The following VEZT variants were observed in gnomAD, a reference collection of about 807,000 sequenced individuals.
VEZT encodes vezatin, adherens junctions transmembrane protein, also known as vezatin.
A neutral mutation model predicts 79.9 loss-of-function variants in VEZT; 39 were observed. That is an observed-to-expected ratio of 0.49 (90% CI 0.38 to 0.64). VEZT has a LOEUF of 0.64. Among genes scored for constraint, VEZT ranks in the 30% least tolerant of loss-of-function variants. VEZT has a pLI of 0.00. For missense variants in VEZT, 837 were observed against 893.1 expected (o/e 0.94, Z 0.80); for synonymous variants, 325 against 327.6 (o/e 0.99, Z 0.09).
In VEZT at chr12:95,263,212, T is replaced by C. The variant is rs1175101059; in HGVS notation, c.434+131T>C. The C allele has an allele frequency of 1.4e-5, 12 of 884,464 alleles. No individual in the cohort carries two copies. The Admixed American group carries it at 2.8e-4, about 21-fold the overall frequency. The allele number at this position is 884,464 out of a possible 1,614,324, so 54.8% of individuals were successfully genotyped here. On this transcript the variant is annotated intron_variant, in intron 4 of 11. Transcript: ENST00000436874. ...TTTAGCAGTACAATTAAAGTAACAA[T>C]ATGGGGGGAAAAAGTGCCTTTCTAA...
At chr12:95,273,183 A>G (rs1360162392) in intron 6 of VEZT, among the ~76,000 whole-genome samples, 1 of 152,234 alleles carries the variant, frequency 6.6e-6, no homozygotes, top group Non-Finnish European at 1.5e-5. Context: ...AACTATTTTT[A>G]AAAAACAATG....
In VEZT at chr12:95,270,166, G is replaced by A. The variant is rs774578093; in HGVS notation, c.826G>A (p.Ala276Thr). Residue 276 changes from alanine (A) to threonine (T), a missense_variant, in exon 6 of 12, where the codon GCT (alanine) becomes ACT (threonine). Physicochemically the swap from Ala to Thr is moderately conservative, Grantham distance 58 (BLOSUM62 0). Transcript: ENST00000436874. ...AGCCAACTTCCAAGCAGCAAGGCTA[G>A]CTACCCTATATATGCTGAAAAAATA... is the stretch of plus-strand genomic sequence containing the variant. The part of the protein sequence containing the change: ...LRANFQAARL[A>T]TLYMLKNYPL... 6 of 1,609,138 alleles carry A rather than the reference G, an allele frequency of 3.7e-6. No individual in the cohort carries two copies. In the East Asian group the frequency reaches 1.1e-4, roughly 30 times the overall value.
intron 8 of VEZT, chr12:95,286,386 C>A (rs1175637798): frequency 2.0e-6 from 1 of 499,728 alleles, no homozygotes; most frequent in Non-Finnish European, 3.9e-6. Flanking sequence ...TCATATTTGC[C>A]TTTTGTGCCA....
intron 1 of VEZT, among the ~76,000 whole-genome samples, chr12:95,234,113 G>A (rs2059654963): frequency 6.6e-6 from 1 of 152,058 alleles, no homozygotes; most frequent in South Asian, 2.1e-4. Context: ...CAAAGGTGAA[G>A]TTTAACATGT....
intron 8 of VEZT, chr12:95,286,940 C>T: frequency 7.4e-6 from 1 of 135,664 alleles, no homozygotes; most frequent in Non-Finnish European, 1.5e-5. Flanking sequence ...GCTCGAGCCA[C>T]ATCCAAGTGG....
At chr12:95,264,944 C>A (rs1415219279) in intron 4 of VEZT, among the ~76,000 whole-genome samples, 1 of 144,504 alleles carries the variant, frequency 6.9e-6, no homozygotes, top group Non-Finnish European at 1.5e-5. Context: ...ATGATCTCGG[C>A]TTACTGCAGC....
chr12:95,268,983 C>CG (rs1472258552), intron 5 of VEZT, among the ~76,000 whole-genome samples: 26 of 152,168 alleles, frequency 1.7e-4, no homozygotes, highest in African/African-American at 6.3e-4. Context: ...CTTGTCTTAA[C>CG]ATAAGCCTGT....
rs2056909300 is a variant in VEZT, at chr12:95,217,842, C to T, written c.-9C>T. Reference sequence around the variant, plus strand: ...CATCGTGCTGAGGCGGGTGGCATGGCGGAGAAGGATGACACCGGAGTTTGA... The same window carrying T: ...CATCGTGCTGAGGCGGGTGGCATGGTGGAGAAGGATGACACCGGAGTTTGA... On this transcript the variant is annotated 5_prime_UTR_variant, in exon 1 of 12. Transcript: ENST00000436874. 1.3e-6 allele frequency: 2 copies of T among 1,540,576 alleles called. No homozygotes were observed. Among genetic ancestry groups the T allele is most frequent in the Non-Finnish European group, 1.7e-6 (2 of 1,148,784 alleles).
intron 5 of VEZT, 196 bp from the exon 6 acceptor site, chr12:95,269,855 C>A: frequency 2.1e-6 from 1 of 475,872 alleles, no homozygotes; most frequent in East Asian, 4.0e-5. Context: ...TCTATATATA[C>A]ATATATATAT....
At chr12:95,250,213 C>A (rs1683669366) in intron 1 of VEZT, among the ~76,000 whole-genome samples, 1 of 117,832 alleles carries the variant, frequency 8.5e-6, no homozygotes, top group Admixed American at 9.6e-5. Flanking sequence ...TATCCCTCCC[C>A]CCTCCCCCCA....
chr12:95,232,175 G>GT (rs1346380365), intron 1 of VEZT, among the ~76,000 whole-genome samples: 1 of 151,952 alleles, frequency 6.6e-6, no homozygotes, highest in Non-Finnish European at 1.5e-5. Context: ...AAGATAAAAG[G>GT]TTTTTTTAAA....
At chr12:95,219,748 T>C (rs1234532090) in intron 1 of VEZT, among the ~76,000 whole-genome samples, 1 of 152,248 alleles carries the variant, frequency 6.6e-6, no homozygotes, top group African/African-American at 2.4e-5. Context: ...CCGGTTTCCA[T>C]TAAGAATAAG....
In VEZT at chr12:95,274,788, G is replaced by A. The variant is rs772123676; in HGVS notation, c.895G>A (p.Val299Met). Reference protein sequence around the residue: ...ESDNVTNYICVVPFKELGLGL... With the variant: ...ESDNVTNYICMVPFKELGLGL... ...TGACAATGTAACCAACTACATCTGTGTGGTGCCTTTTAAAGAGCTGGGCCT... is the reference window on the plus strand; with the variant it reads ...TGACAATGTAACCAACTACATCTGTATGGTGCCTTTTAAAGAGCTGGGCCT... Residue 299 changes from valine to methionine, a missense_variant, in exon 7 of 12, where the codon GTG (valine) becomes ATG (methionine). Physicochemically the swap from Val to Met is conservative, Grantham distance 21. Coordinates refer to ENST00000436874, the MANE Select transcript of VEZT (RefSeq NM_017599.4). The A allele has an allele frequency of 6.2e-7, 1 of 1,613,752 alleles. No individual in the cohort carries two copies. Among genetic ancestry groups the A allele is most frequent in the Non-Finnish European group, 8.5e-7 (1 of 1,179,844 alleles).
chr12:95,271,238 T>C (rs574178160), intron 6 of VEZT, among the ~76,000 whole-genome samples: 10 of 152,302 alleles, frequency 6.6e-5, no homozygotes, highest in Admixed American at 1.3e-4. Context: ...AGAGAAAGCA[T>C]TTTAATTTTT....
intron 4 of VEZT, among the ~76,000 whole-genome samples, chr12:95,265,155 C>T (rs1164802410): frequency 6.6e-6 from 1 of 152,108 alleles, no homozygotes; most frequent in Non-Finnish European, 1.5e-5. Flanking sequence ...GCCACTGTGC[C>T]TGGCCCCCTC....
chr12:95,230,989 G>A (rs958379589), intron 1 of VEZT, among the ~76,000 whole-genome samples: 1 of 152,008 alleles, frequency 6.6e-6, no homozygotes, highest in Non-Finnish European at 1.5e-5. Context: ...GTCTTCTGAT[G>A]GGTATGTTTG....
chr12:95,282,358 C>G lies in VEZT; in HGVS notation c.1042C>G (p.Arg348Gly). 1 of 1,613,748 alleles carries G rather than the reference C, an allele frequency of 6.2e-7. No individual in the cohort carries two copies. The highest frequency in any genetic ancestry group is 8.5e-7 in the Non-Finnish European group (1 of 1,179,848). The change falls in exon 8 of 12, where the codon CGG becomes GGG. Residue 348 changes from arginine (R) to glycine (G), a missense_variant. Physicochemically the swap from Arg to Gly is moderately radical, Grantham distance 125. Transcript: ENST00000436874. ...WVAQSSEFFR[R>G]LALLLSTANS... Reference sequence around the variant, plus strand: ...GGCACAGAGTTCAGAGTTCTTCAGACGGTTAGCCCTATTACTTTCTACAGC... The same window carrying G: ...GGCACAGAGTTCAGAGTTCTTCAGAGGGTTAGCCCTATTACTTTCTACAGC...
intron 7 of VEZT, among the ~76,000 whole-genome samples, chr12:95,280,435 C>T (rs182726644): frequency 1.1e-4 from 17 of 149,726 alleles, no homozygotes; most frequent in East Asian, 3.9e-4. Context: ...CTCTCCTTCG[C>T]GCTTTCTGTC....
intron 1 of VEZT, among the ~76,000 whole-genome samples, chr12:95,227,680 T>C: frequency 6.6e-6 from 1 of 152,066 alleles, no homozygotes; most frequent in Non-Finnish European, 1.5e-5. Context: ...TTTTGACATG[T>C]TGCCCAGGTT....
Sources: gnomAD v4.1 joint callset for allele counts (sites outside exome capture counted in the v4.1 genomes callset) on GRCh38, gnomAD v4.1.1 for gene constraint, MANE v1.5 for transcripts, NCBI Gene and HGNC (gene_info 2026-07-23, HGNC 2026-07-21) for gene names.